The following FANCB variants were observed in gnomAD, a reference collection of about 807,000 sequenced individuals.
FANCB encodes the protein Fanconi anemia group B protein.
FANCB carries 5 observed loss-of-function variants against 38.9 expected under a neutral mutation model. That is an observed-to-expected ratio of 0.13 (90% confidence interval 0.07 to 0.27). The LOEUF is 0.27. Ranked by LOEUF, FANCB falls within the 10% of genes least tolerant of loss-of-function variation. The pLI, the probability that FANCB is intolerant of heterozygous loss-of-function variation, is 1.00. For synonymous variants in FANCB, 236 were observed against 215.4 expected (o/e 1.10, Z -0.84); for missense variants, 573 against 602.7 (o/e 0.95, Z 0.52).
chrX:14,793,368 ATTGGCAGCTGC>A, the FANCB span, among the ~76,000 whole-genome samples: 2 of 112,004 alleles, frequency 1.8e-5, no homozygotes, highest in Non-Finnish European at 3.8e-5. Flanking sequence ...TGTGTAGTAG[ATTGGCAGCTGC>A]TTAGCAGTAT....
the FANCB span, among the ~76,000 whole-genome samples, chrX:14,713,231 C>T: frequency 8.9e-6 from 1 of 111,898 alleles, no homozygotes; most frequent in Non-Finnish European, 1.9e-5. Context: ...GGGTTCATCC[C>T]CTAATCACCT....
the FANCB span, among the ~76,000 whole-genome samples, chrX:14,813,050 A>G: frequency 0.13 from 12,480 of 98,826 alleles, 1,935 homozygotes; most frequent in African/African-American, 0.38. Flanking sequence ...TATAAACAGA[A>G]CCAAAGACAA....
chrX:14,862,222 C>A (rs66613243), intron 3 of FANCB: 20,417 of 110,248 alleles, frequency 0.19, 1,808 homozygotes, highest in Non-Finnish European at 0.27. Context: ...CCCAAAGTGG[C>A]AGGGTTAGAG....
chrX:14,777,625 G>A, the FANCB span, among the ~76,000 whole-genome samples: 2 of 111,870 alleles, frequency 1.8e-5, no homozygotes, highest in Non-Finnish European at 3.8e-5. Flanking sequence ...GTCATATAAA[G>A]GTAAGATCAC....
chrX:14,736,984 G>A, the FANCB span, among the ~76,000 whole-genome samples: 6 of 110,067 alleles, frequency 5.5e-5, no homozygotes, highest in East Asian at 5.8e-4. Context: ...GTGAAACCCC[G>A]TCTCTACTAA....
At chrX:14,814,396 G>A in the FANCB span, among the ~76,000 whole-genome samples, 2 of 112,062 alleles carry the variant, frequency 1.8e-5, no homozygotes, top group East Asian at 2.8e-4. Context: ...GCAACCTACA[G>A]AATGGGAGAA....
chrX:14,717,398 T>C, the FANCB span, among the ~76,000 whole-genome samples: 1 of 110,348 alleles, frequency 9.1e-6, no homozygotes, highest in Non-Finnish European at 1.9e-5. Flanking sequence ...TTAATTCTTA[T>C]ATATACTCCT....
At chrX:14,801,734 T>G in the FANCB span, among the ~76,000 whole-genome samples, 1 of 110,583 alleles carries the variant, frequency 9.0e-6, no homozygotes, top group Non-Finnish European at 1.9e-5. Flanking sequence ...GCATGATCAT[T>G]AGCTCAAAAT....
the FANCB span, among the ~76,000 whole-genome samples, chrX:14,768,599 T>C: frequency 1.8e-5 from 2 of 112,044 alleles, no homozygotes; most frequent in Non-Finnish European, 3.8e-5. Context: ...AATCATGTCA[T>C]CTGCAAATAA....
downstream of FANCB, among the ~76,000 whole-genome samples, chrX:14,842,791 T>C (rs993038240): frequency 1.8e-5 from 2 of 112,199 alleles, no homozygotes; most frequent in Non-Finnish European, 3.8e-5. Flanking sequence ...CTTTAAACAG[T>C]GGCCTGTAAG....
the FANCB span, among the ~76,000 whole-genome samples, chrX:14,797,466 G>T: frequency 1.8e-5 from 2 of 111,480 alleles, no homozygotes; most frequent in African/African-American, 6.5e-5. Context: ...TGGATCACCT[G>T]ATGTCAGGAG....
rs138268044 is a variant in FANCB at position 14,844,511 on chromosome X, G to A, written c.2157C>T (p.Ile719=). Residue 719 remains isoleucine, a synonymous_variant, in exon 9 of 10, where the codon ATC becomes ATT. Coordinates refer to ENST00000650831, the MANE Select transcript of FANCB (RefSeq NM_001018113.3). ...QRTPFEGILI[I]YSRNQTVMFQ... Reference sequence around the variant, plus strand: ...AATTTAATATGCATTACCTGGAATAGATTATTAAAATCCCTTCGAATGGTG... The same window carrying A: ...AATTTAATATGCATTACCTGGAATAAATTATTAAAATCCCTTCGAATGGTG... 8 of 1,180,992 alleles carry A rather than the reference G, an allele frequency of 6.8e-6. No homozygotes were observed. The highest frequency in any genetic ancestry group is 2.2e-5 in the Admixed American group (1 of 45,720).
chrX:14,731,237 T>C, the FANCB span: 2 of 112,518 alleles, frequency 1.8e-5, no homozygotes, highest in Non-Finnish European at 3.8e-5. Context: ...CAAGATAAAA[T>C]TTTGAAACTT....
the FANCB span, among the ~76,000 whole-genome samples, chrX:14,752,980 G>GACACACACAC: frequency 1.5e-5 from 1 of 68,471 alleles, no homozygotes; most frequent in African/African-American, 5.0e-5. Flanking sequence ...CTCTCTCTCT[G>GACACACACAC]ACACACACAC....
the FANCB span, among the ~76,000 whole-genome samples, chrX:14,822,997 G>T: frequency 1.8e-5 from 2 of 108,609 alleles, no homozygotes; most frequent in South Asian, 8.3e-4. Context: ...CCTGAAAAAT[G>T]ATTCTACTCT....
At chrX:14,829,834 T>C in the FANCB span, among the ~76,000 whole-genome samples, 1 of 112,431 alleles carries the variant, frequency 8.9e-6, no homozygotes, top group Non-Finnish European at 1.9e-5. Flanking sequence ...GATAAGGACG[T>C]CTTGCTTTCT....
chrX:14,838,797 G>A (rs1472875160), downstream of FANCB, among the ~76,000 whole-genome samples: 2 of 112,109 alleles, frequency 1.8e-5, no homozygotes, highest in African/African-American at 6.5e-5. Context: ...GTTATCATTG[G>A]AAAGGTTATA....
the FANCB span, among the ~76,000 whole-genome samples, chrX:14,701,914 C>G: frequency 8.9e-6 from 1 of 111,816 alleles, no homozygotes; most frequent in African/African-American, 3.3e-5. Flanking sequence ...TAGACAGGCT[C>G]AGACAAATAT....
At chrX:14,760,108 C>A in the FANCB span, among the ~76,000 whole-genome samples, 7 of 111,934 alleles carry the variant, frequency 6.3e-5, no homozygotes, top group Non-Finnish European at 1.3e-4. Flanking sequence ...AACTAACAGA[C>A]AAAATAACCA....
Sources: gnomAD v4.1 joint callset for allele counts (sites outside exome capture counted in the v4.1 genomes callset) on GRCh38, gnomAD v4.1.1 for gene constraint, MANE v1.5 for transcripts, NCBI Gene and HGNC (gene_info 2026-07-23, HGNC 2026-07-21) for gene names.